DPP6: variants seen among roughly 807,000 people sequenced by gnomAD.
DPP6 encodes dipeptidyl peptidase like 6.
DPP6 carries 69 observed loss-of-function variants against 122.6 expected under a neutral mutation model. That is an observed-to-expected ratio of 0.56 (90% CI 0.46 to 0.69). The LOEUF is 0.69. Ranked by LOEUF, DPP6 falls within the 30% of genes least tolerant of loss-of-function variation. The pLI, the probability that DPP6 is intolerant of heterozygous loss-of-function variation, is 0.00. For missense variants in DPP6, 928 were observed against 1,116.9 expected (o/e 0.83, Z 2.41); for synonymous variants, 418 against 433.1 (o/e 0.97, Z 0.43).
At chr7:154,054,793 G>A (rs909423124) in intron 1 of DPP6, among the ~76,000 whole-genome samples, 7 of 148,838 alleles carry the variant, frequency 4.7e-5, no homozygotes, top group African/African-American at 1.7e-4. Flanking sequence ...ACTTAAAATT[G>A]TTGAATTGTG....
intron 3 of DPP6, among the ~76,000 whole-genome samples, chr7:154,497,976 G>A (rs906211019): frequency 2.0e-5 from 3 of 152,130 alleles, no homozygotes; most frequent in East Asian, 1.9e-4. Context: ...GGGAGGACGC[G>A]TTGTGTCTCT....
At chr7:154,097,425 C>G (rs1297348120) in intron 1 of DPP6, among the ~76,000 whole-genome samples, 10 of 152,258 alleles carry the variant, frequency 6.6e-5, no homozygotes, top group African/African-American at 1.7e-4. Context: ...CCGTCTGATT[C>G]AACGCTATTG....
chr7:153,920,566 T>C (rs958868136), intron 1 of DPP6, among the ~76,000 whole-genome samples: 1 of 119,532 alleles, frequency 8.4e-6, no homozygotes, highest in Non-Finnish European at 1.7e-5. Context: ...TCTCTCTCTT[T>C]TTTTTTTTTT....
At chr7:154,228,151 G>A (rs934746813) in intron 1 of DPP6, among the ~76,000 whole-genome samples, 5 of 152,138 alleles carry the variant, frequency 3.3e-5, no homozygotes, top group African/African-American at 9.7e-5. Flanking sequence ...TGTACTCCAG[G>A]AATTCCCAGT....
rs3056506 is a variant in DPP6 at position 154,510,936 on chromosome 7, G to GCACACA, written c.458-29565_458-29560dup. On this transcript the variant is annotated intron_variant, in intron 3 of 25. Coordinates refer to ENST00000377770, the MANE Select transcript of DPP6 (RefSeq NM_130797.4). Reference sequence around the variant, plus strand: ...CTCTCTTACACATACACACACACATGCACACACACACACACACACACACAC... The same window carrying GCACACA: ...CTCTCTTACACATACACACACACATGCACACACACACACACACACACACACACACAC... Among the ~76,000 whole-genome samples the GCACACA allele has an allele frequency of 2.1e-5, 3 of 145,090 alleles. No homozygotes were observed. In the East Asian group the frequency reaches 6.3e-4, roughly 30 times the overall value.
At chr7:154,245,846 A>T (rs1585729564) in intron 1 of DPP6, among the ~76,000 whole-genome samples, 1 of 151,714 alleles carries the variant, frequency 6.6e-6, no homozygotes, top group Non-Finnish European at 1.5e-5. Flanking sequence ...AGATATTTGG[A>T]TATTCTAACA....
intron 3 of DPP6, among the ~76,000 whole-genome samples, chr7:154,526,776 A>C (rs766245386): frequency 2.0e-5 from 3 of 152,196 alleles, no homozygotes; most frequent in Non-Finnish European, 4.4e-5. Context: ...AGCCAAAGGA[A>C]AAATCACTCT....
intron 3 of DPP6, among the ~76,000 whole-genome samples, chr7:154,479,570 A>AAAAAAAAG (rs572938567): frequency 0.031 from 3,142 of 101,222 alleles, 75 homozygotes; most frequent in Non-Finnish European, 0.043. Flanking sequence ...AAAAAAAAAA[A>AAAAAAAAG]AAAAGAAAAG....
chr7:154,078,729 G>T (rs1315800919), intron 1 of DPP6, among the ~76,000 whole-genome samples: 1 of 152,102 alleles, frequency 6.6e-6, no homozygotes, highest in Non-Finnish European at 1.5e-5. Context: ...CATAGCAACT[G>T]TGTTTTCGCT....
At chr7:154,611,175 A>G (rs555272441) in intron 5 of DPP6, among the ~76,000 whole-genome samples, 2 of 152,208 alleles carry the variant, frequency 1.3e-5, no homozygotes, top group East Asian at 1.9e-4. Context: ...TGTGACTTGT[A>G]CATGTTTTGA....
At chr7:154,062,066 T>C (rs1802047794) in intron 1 of DPP6, among the ~76,000 whole-genome samples, 1 of 105,830 alleles carries the variant, frequency 9.4e-6, no homozygotes, top group Non-Finnish European at 2.0e-5. Flanking sequence ...AGCCCCTGGT[T>C]CCCCCACTGG....
intron 1 of DPP6, among the ~76,000 whole-genome samples, chr7:154,430,751 A>T (rs531456964): frequency 5.7e-4 from 86 of 152,126 alleles, no homozygotes; most frequent in African/African-American, 1.9e-3. Flanking sequence ...GAGGCTCTTT[A>T]TGTTGTCTTT....
Position 154,566,859 on chromosome 7 carries a change from C to A in DPP6, c.570C>A (p.Ile190=). The part of the protein sequence containing the change: ...EGKKIESLRA[I]RYEISPDREY... ...TCTTTTAGGAATCATTAAGAGCCAT[C>A]AGATATGAAATATCTCCAGATAGAG... The change falls in exon 5 of 26, where the codon ATC becomes ATA. Residue 190 remains isoleucine, a synonymous_variant. Coordinates refer to ENST00000377770, the MANE Select transcript of DPP6 (RefSeq NM_130797.4). 1 of 1,594,898 alleles carries A rather than the reference C, an allele frequency of 6.3e-7. No individual in the cohort carries two copies. The highest frequency in any genetic ancestry group is 1.1e-5 in the South Asian group (1 of 89,332).
intron 1 of DPP6, among the ~76,000 whole-genome samples, chr7:154,004,134 A>G (rs2129046713): frequency 6.6e-6 from 1 of 152,334 alleles, no homozygotes; most frequent in Non-Finnish European, 1.5e-5. Flanking sequence ...GATAGTCATG[A>G]CCTGCTTTTA....
At chr7:154,134,538 T>C (rs1310883125) in intron 1 of DPP6, among the ~76,000 whole-genome samples, 1 of 152,160 alleles carries the variant, frequency 6.6e-6, no homozygotes, top group East Asian at 1.9e-4. Context: ...CCTGGGTCCA[T>C]GTGACCTTGA....
chr7:154,427,399 CTT>C (rs1190513785), intron 1 of DPP6, among the ~76,000 whole-genome samples: 2 of 152,114 alleles, frequency 1.3e-5, no homozygotes, highest in Non-Finnish European at 2.9e-5. Context: ...TGTAGGCTTT[CTT>C]TTTCCTTAGA....
chr7:154,772,758 G>A (rs1441865097), intron 9 of DPP6, 87 bp from the exon 10 acceptor site: 2 of 1,542,542 alleles, frequency 1.3e-6, no homozygotes, highest in African/African-American at 1.4e-5. Flanking sequence ...TCCCACCTCG[G>A]AATCTCCCAG....
chr7:154,742,461 C>T (rs1842858702), intron 8 of DPP6, among the ~76,000 whole-genome samples: 1 of 152,204 alleles, frequency 6.6e-6, no homozygotes, highest in Non-Finnish European at 1.5e-5. Context: ...ACCAAACAAC[C>T]ATTAATGCAT....
intron 8 of DPP6, among the ~76,000 whole-genome samples, chr7:154,759,923 A>G (rs1795421465): frequency 6.6e-6 from 1 of 152,336 alleles, no homozygotes; most frequent in African/African-American, 2.4e-5. Flanking sequence ...GGAGTTCAAG[A>G]CCATCCAGGC....
Sources: allele counts gnomAD v4.1 joint callset (sites outside exome capture counted in the v4.1 genomes callset), GRCh38; gene constraint gnomAD v4.1.1; transcripts MANE v1.5; gene names NCBI Gene and HGNC (gene_info 2026-07-23, HGNC 2026-07-21).